ZNF845: variants seen among roughly 807,000 people sequenced by gnomAD.
ZNF845 encodes the protein zinc finger protein 845.
ZNF845 carries 59 observed loss-of-function variants against 76.1 expected under a neutral mutation model. That is an observed-to-expected ratio of 0.78 (90% confidence interval 0.63 to 0.96). The LOEUF is 0.96. ZNF845 is among the 40% of genes least tolerant of loss of function. The pLI is 0.00. For synonymous variants in ZNF845, 361 were observed against 386.9 expected, an observed-to-expected ratio of 0.93 and a Z score of 0.78; for missense variants, 1,045 against 1,172.8, an observed-to-expected ratio of 0.89 and a Z score of 1.59.
intron 2 of ZNF845, among the ~76,000 whole-genome samples, chr19:53,344,644 T>TGTTATGTTATGTTA (rs1347350507): frequency 3.8e-4 from 57 of 150,920 alleles, no homozygotes; most frequent in Admixed American, 1.0e-3. Flanking sequence ...TTTTATTTTA[T>TGTTATGTTATGTTA]TTTGGGATGG....
At position 53,345,578 on chromosome 19, in the gene ZNF845, A is replaced by G. The variant is rs1263085898; in HGVS notation, c.88A>G (p.Arg30Gly). ...GTGGAAGTGCCTGGACCCTGCTCAG[A>G]GGACTCTATACAGGGACGTGATGCT... is the stretch of plus-strand genomic sequence containing the variant. ...EEWKCLDPAQ[R>G]TLYRDVMLEN... Residue 30 changes from arginine (R) to glycine (G), a missense_variant, in exon 3 of 4, where the codon AGG becomes GGG. Physicochemically the swap from Arg to Gly is moderately radical, Grantham distance 125 (BLOSUM62 -2). Transcript: ENST00000458035. 6.2e-7 allele frequency: 1 copy of G among 1,613,520 alleles called. No individual in the cohort carries two copies. Among genetic ancestry groups the G allele is most frequent in the Admixed American group, 1.7e-5 (1 of 59,982 alleles).
intron 1 of ZNF845, among the ~76,000 whole-genome samples, chr19:53,336,207 C>G (rs1428013886): frequency 1.7e-5 from 2 of 116,702 alleles, no homozygotes; most frequent in Non-Finnish European, 3.5e-5. Context: ...GAGACTCCAT[C>G]TCAAAAAAAA....
In ZNF845 at chr19:53,352,525, G is replaced by C; in HGVS notation, c.1850G>C (p.Arg617Thr). Reference sequence around the variant, plus strand: ...TGTAATAGATGTGGCAAATTTTTCAGACATCGTTCATACCTTGCAGTTCAT... The same window carrying C: ...TGTAATAGATGTGGCAAATTTTTCACACATCGTTCATACCTTGCAGTTCAT... ...YKCNRCGKFF[R>T]HRSYLAVHWR... is the part of the protein sequence containing the mutation. The change falls in exon 4 of 4, where the codon AGA becomes ACA. Residue 617 changes from arginine to threonine, a missense_variant. Physicochemically the swap from Arg to Thr is moderately conservative, Grantham distance 71. Transcript: ENST00000458035. 1 of 1,607,090 alleles carries C rather than the reference G, an allele frequency of 6.2e-7. No individual in the cohort carries two copies. The highest frequency in any genetic ancestry group is 8.5e-7 in the Non-Finnish European group (1 of 1,176,432).
chr19:53,343,661 C>T (rs1319936039), intron 2 of ZNF845, among the ~76,000 whole-genome samples: 1 of 152,076 alleles, frequency 6.6e-6, no homozygotes, highest in African/African-American at 2.4e-5. Flanking sequence ...TATACACACA[C>T]GTATATATTT....
intron 2 of ZNF845, among the ~76,000 whole-genome samples, chr19:53,344,904 G>A (rs60526042): frequency 0.067 from 10,159 of 151,996 alleles, 504 homozygotes; most frequent in Admixed American, 0.18. Context: ...CTCCCAAAAT[G>A]CTGAAATTAT....
chr19:53,337,826 A>G (rs912007160), intron 1 of ZNF845, among the ~76,000 whole-genome samples: 1 of 151,352 alleles, frequency 6.6e-6, no homozygotes, highest in African/African-American at 2.5e-5. Flanking sequence ...TTGGCCTCCC[A>G]GAGTGCTAGG....
chr19:53,336,496 C>T (rs2085214491), intron 1 of ZNF845, among the ~76,000 whole-genome samples: 1 of 151,892 alleles, frequency 6.6e-6, no homozygotes, highest in Non-Finnish European at 1.5e-5. Flanking sequence ...GGGGGCAGAG[C>T]GAGGCTTCAT....
At chr19:53,350,779 A>G (rs769904295) in intron 3 of ZNF845, 39 bp from the exon 4 acceptor site, 73 of 1,594,554 alleles carry the variant, frequency 4.6e-5, no homozygotes, top group Non-Finnish European at 5.8e-5. Context: ...TTTACCATCT[A>G]TACTTAAGTG....
At position 53,356,425 on chromosome 19, in the gene ZNF845, C is replaced by A; in HGVS notation, c.*2837C>A. 6.6e-6 allele frequency: 1 copy of A among 152,358 alleles called. No individual in the cohort carries two copies. The allele number at this position is 152,358 out of a possible 1,614,324, so 9.4% of individuals were successfully genotyped here. ...TGGTGGTGCACTGCTGTGGTCCCAG[C>A]TACTCTGGGCACTGAAGTGGGAGGA... is the stretch of plus-strand genomic sequence containing the variant. On this transcript the variant is annotated 3_prime_UTR_variant, in exon 4 of 4. Coordinates refer to ENST00000458035, the MANE Select transcript of ZNF845 (RefSeq NM_138374.3).
At position 53,352,788 on chromosome 19, in the gene ZNF845, G is replaced by A. The variant is rs1348873534; in HGVS notation, c.2113G>A (p.Ala705Thr). The change falls in exon 4 of 4, where the codon GCC becomes ACC. Residue 705 changes from alanine (A) to threonine (T), a missense_variant. Transcript: ENST00000458035. ...ECGKTFGRNS[A>T]LIIHKAIHTG... ...TGGCAAGACCTTCGGTCGAAATTCA[G>A]CCCTTATAATTCACAAGGCAATTCA... The A allele has an allele frequency of 2.2e-5, 35 of 1,612,868 alleles. No homozygotes were observed. The South Asian group carries it at 3.6e-4, about 17-fold the overall frequency.
chr19:53,346,339 G>C (rs1030609379), intron 3 of ZNF845: 2 of 426,120 alleles, frequency 4.7e-6, no homozygotes, highest in Non-Finnish European at 4.7e-6. Context: ...CGCCAAGGCA[G>C]CAGTGCCGTA....
Position 53,345,530 on chromosome 19 carries a change from G to T in ZNF845, c.40G>T (p.Ala14Ser), listed in dbSNP as rs762808896. Residue 14 changes from alanine (A) to serine (S), a missense_variant, in exon 3 of 4, where the codon GCC becomes TCC. By Grantham distance (99) the Ala-to-Ser change is moderately conservative. Transcript: ENST00000458035. ...GGGTCTATTGACATTCAGGGATGTG[G>T]CCATAGAATTCTCTCAGGAAGAGTG... The part of the protein sequence containing the change: ...SQGLLTFRDV[A>S]IEFSQEEWKC... 1.2e-6 allele frequency: 2 copies of T among 1,613,498 alleles called. No homozygotes were observed. Among genetic ancestry groups the T allele is most frequent in the East Asian group, 2.2e-5 (1 of 44,860 alleles).
chr19:53,349,534 T>C (rs1267764285), intron 3 of ZNF845, among the ~76,000 whole-genome samples: 2 of 151,990 alleles, frequency 1.3e-5, no homozygotes, highest in African/African-American at 4.8e-5. Flanking sequence ...TCCCAAAGTG[T>C]TGGGATTACA....
At chr19:53,346,535 G>T (rs2085298143) in intron 3 of ZNF845, among the ~76,000 whole-genome samples, 1 of 152,172 alleles carries the variant, frequency 6.6e-6, no homozygotes, top group African/African-American at 2.4e-5. Context: ...ACAAAAATTA[G>T]CCAGACACGA....
chr19:53,343,119 C>G (rs770052808), intron 2 of ZNF845, among the ~76,000 whole-genome samples: 1 of 152,082 alleles, frequency 6.6e-6, no homozygotes, highest in Non-Finnish European at 1.5e-5. Flanking sequence ...GCGCCCAGCC[C>G]CCAATAGTTA....
chr19:53,355,121 A>G lies in ZNF845; in HGVS notation c.*1533A>G, dbSNP rs887211236. Reference sequence around the variant, plus strand: ...GAGACGGGGTTTCACCATGTTGACCAGGTTTTTCTTGAACTCCTGACTTCA... The same window carrying G: ...GAGACGGGGTTTCACCATGTTGACCGGGTTTTTCTTGAACTCCTGACTTCA... On this transcript the variant is annotated 3_prime_UTR_variant, in exon 4 of 4. Coordinates refer to ENST00000458035, the MANE Select transcript of ZNF845 (RefSeq NM_138374.3). 2.0e-5 allele frequency: 3 copies of G among 151,660 alleles called. No individual in the cohort carries two copies. Among genetic ancestry groups the G allele is most frequent in the Admixed American group, 2.0e-4 (3 of 15,214 alleles). The allele number at this position is 151,660 out of a possible 1,614,324, so 9.4% of individuals were successfully genotyped here. A position where few individuals can be genotyped will look rare whatever the true frequency, so the allele number is the denominator to read the frequency against.
intron 3 of ZNF845, chr19:53,346,483 C>T (rs1272261365): frequency 3.6e-6 from 1 of 278,182 alleles, no homozygotes; most frequent in African/African-American, 2.3e-5. Flanking sequence ...GAGCTCAAAA[C>T]CAGCCTGGCT....
chr19:53,353,675 G>T lies in ZNF845; in HGVS notation c.*87G>T. ...CATACTGGAGAGAAAGCTTACAAAT[G>T]TAAGAGTTTGTGACAAGAATCTTGG... On this transcript the variant is annotated 3_prime_UTR_variant, in exon 4 of 4. Coordinates refer to ENST00000458035, the MANE Select transcript of ZNF845 (RefSeq NM_138374.3). The T allele has an allele frequency of 6.6e-7, 1 of 1,518,482 alleles. No individual in the cohort carries two copies. The highest frequency in any genetic ancestry group is 1.4e-5 in the South Asian group (1 of 73,846). The allele number at this position is 1,518,482 out of a possible 1,614,324, so 94.1% of individuals were successfully genotyped here.
At chr19:53,338,038 G>A (rs748576261) in intron 1 of ZNF845, among the ~76,000 whole-genome samples, 1 of 152,014 alleles carries the variant, frequency 6.6e-6, no homozygotes, top group Non-Finnish European at 1.5e-5. Context: ...TGAGTGTTTT[G>A]TGTCTCCCTT....
Sources: gnomAD v4.1 joint callset for allele counts (sites outside exome capture counted in the v4.1 genomes callset) on GRCh38, gnomAD v4.1.1 for gene constraint, MANE v1.5 for transcripts, NCBI Gene and HGNC (gene_info 2026-07-23, HGNC 2026-07-21) for gene names.